Variants in GLI2 observed in about 807,000 individuals in gnomAD.
GLI2 encodes the protein transcription activator GLI2.
In GLI2, 22 loss-of-function variants were observed where a neutral mutation model predicts 78.9. The observed-to-expected ratio is 0.28, with a 90% CI of 0.20 to 0.40. The LOEUF is 0.40. Among genes scored for constraint, GLI2 ranks in the 10% least tolerant of loss-of-function variants. The pLI is 1.00. For missense variants in GLI2, 2,097 were observed against 2,213.2 expected, an observed-to-expected ratio of 0.95 and a Z score of 1.05; for synonymous variants, 974 against 963.7, an observed-to-expected ratio of 1.01 and a Z score of -0.20.
chr2:120,898,672 G>T (rs991755399), intron 2 of GLI2, among the ~76,000 whole-genome samples: 2 of 152,104 alleles, frequency 1.3e-5, no homozygotes, highest in African/African-American at 4.8e-5. Flanking sequence ...GGATTCTGTT[G>T]GTTTCTAGTC....
chr2:120,907,253 A>C (rs1332550106), intron 2 of GLI2, among the ~76,000 whole-genome samples: 7 of 151,820 alleles, frequency 4.6e-5, no homozygotes, highest in African/African-American at 1.7e-4. Context: ...GCTTGGCTTC[A>C]CCTGTTGACG....
At chr2:120,775,477 C>T (rs1017730586) in intron 1 of GLI2, among the ~76,000 whole-genome samples, 2 of 152,158 alleles carry the variant, frequency 1.3e-5, no homozygotes, top group African/African-American at 2.4e-5. Context: ...GCTAATGCTC[C>T]GGAGGTGCTG....
intron 2 of GLI2, among the ~76,000 whole-genome samples, chr2:120,864,866 A>G (rs1688054613): frequency 1.3e-5 from 2 of 152,102 alleles, no homozygotes; most frequent in African/African-American, 4.8e-5. Context: ...GCTCAGAATC[A>G]TCACTGCCTA....
At chr2:120,945,477 C>T (rs777771722) in intron 3 of GLI2, among the ~76,000 whole-genome samples, 2 of 152,164 alleles carry the variant, frequency 1.3e-5, no homozygotes, top group Non-Finnish European at 2.9e-5. Context: ...TGGACAGGCC[C>T]GAGCACTTAT....
intron 2 of GLI2, 24 bp downstream of exon 2, chr2:120,797,492 G>A (rs747116594): frequency 8.1e-6 from 13 of 1,609,302 alleles, no homozygotes; most frequent in Non-Finnish European, 1.7e-6. Flanking sequence ...CGCACACTTG[G>A]AGGGCAGCAG....
chr2:120,881,442 G>A (rs1677116188), intron 2 of GLI2, among the ~76,000 whole-genome samples: 2 of 149,966 alleles, frequency 1.3e-5, no homozygotes, highest in Non-Finnish European at 3.0e-5. Context: ...GGGCAGGAGT[G>A]GGAGGACTGT....
rs59277032 is a variant in GLI2, at chr2:120,992,007, T to TAC, written c.*1375_*1376dup. The stretch of plus-strand genomic sequence containing the variant: ...GTGAATTGGTGCATCTTCCCCACCA[T>TAC]ACACACACACACACACACACACACA... On this transcript the variant is annotated 3_prime_UTR_variant, in exon 14 of 14. Transcript: ENST00000361492. 23,301 of 129,834 alleles carry TAC rather than the reference T, an allele frequency of 0.18. 1,964 individuals are homozygous for TAC. Among genetic ancestry groups the TAC allele is most frequent in the East Asian group, 0.21 (859 of 4,190 alleles). 8.0% of individuals were successfully genotyped at this position (129,834 alleles called of 1,614,324 possible).
At chr2:120,882,838 G>C (rs982408922) in intron 2 of GLI2, among the ~76,000 whole-genome samples, 1 of 152,000 alleles carries the variant, frequency 6.6e-6, no homozygotes, top group Non-Finnish European at 1.5e-5. Flanking sequence ...TTATGAAGGT[G>C]TAAATTACAT....
At chr2:120,933,525 C>T (rs1211371053) in intron 3 of GLI2, among the ~76,000 whole-genome samples, 1 of 152,160 alleles carries the variant, frequency 6.6e-6, no homozygotes, top group African/African-American at 2.4e-5. Flanking sequence ...AATAGGGCCA[C>T]ACACCCCCAG....
At chr2:120,925,504 C>T (rs1410310130) in intron 2 of GLI2, among the ~76,000 whole-genome samples, 1 of 152,222 alleles carries the variant, frequency 6.6e-6, no homozygotes, top group African/African-American at 2.4e-5. Context: ...GATTCTGGCA[C>T]AGGCTGTAAC....
rs140095122 is a variant in GLI2 at position 120,946,252 on chromosome 2, T to G, written c.255-4991T>G. Among the ~76,000 whole-genome samples, 435 of 152,150 alleles carry G rather than the reference T, an allele frequency of 2.9e-3. 1 individual carries two copies. The highest frequency in any genetic ancestry group is 0.01 in the African/African-American group (416 of 41,522). ...CTACAGGTCCCTAGGCACAGCCCTG[T>G]TGGGAGCGTGAAGAAATGTAAGAAG... On this transcript the variant is annotated intron_variant, in intron 3 of 13. Transcript: ENST00000361492.
At chr2:120,927,496 G>A (rs1329770994) in intron 3 of GLI2, 30 bp downstream of exon 3, 2 of 1,471,318 alleles carry the variant, frequency 1.4e-6, no homozygotes, top group Non-Finnish European at 1.9e-6. Context: ...TGCTGCTCCT[G>A]GCGTGCAGTC....
intron 2 of GLI2, among the ~76,000 whole-genome samples, chr2:120,898,896 C>G (rs1432983371): frequency 6.6e-6 from 1 of 152,128 alleles, no homozygotes; most frequent in African/African-American, 2.4e-5. Context: ...TACATGGCTG[C>G]TGGTGCTAAG....
intron 2 of GLI2, among the ~76,000 whole-genome samples, chr2:120,828,746 C>T (rs1200174780): frequency 6.7e-6 from 1 of 150,116 alleles, no homozygotes; most frequent in Non-Finnish European, 1.5e-5. Flanking sequence ...CTCCTCCAAA[C>T]AAAACGGTAA....
chr2:120,910,265 C>G (rs1328193349), intron 2 of GLI2, among the ~76,000 whole-genome samples: 1 of 152,182 alleles, frequency 6.6e-6, no homozygotes, highest in African/African-American at 2.4e-5. Context: ...GACAGCAGGG[C>G]CCTCAGCCAC....
chr2:120,747,214 G>A (rs1682720245), intron 1 of GLI2, among the ~76,000 whole-genome samples: 1 of 152,256 alleles, frequency 6.6e-6, no homozygotes, highest in Non-Finnish European at 1.5e-5. Context: ...TTGGGGAAGA[G>A]ATGGGAGGTG....
intron 2 of GLI2, among the ~76,000 whole-genome samples, chr2:120,898,993 G>A (rs1678113524): frequency 6.6e-6 from 1 of 152,178 alleles, no homozygotes; most frequent in South Asian, 2.1e-4. Context: ...AGAAACGAAA[G>A]GGTCTGCGGT....
In GLI2 at chr2:120,886,989, G is replaced by A. The variant is rs575187400; in HGVS notation, c.149-40372G>A. 3.3e-4 allele frequency among the ~76,000 whole-genome samples: 51 copies of A among 152,340 alleles called. No individual in the cohort carries two copies. In the South Asian group the frequency reaches 3.9e-3, roughly 12 times the overall value. On this transcript the variant is annotated intron_variant, in intron 2 of 13. Coordinates refer to ENST00000361492, the MANE Select transcript of GLI2 (RefSeq NM_001374353.1). ...CAGAAGAGAGATCTGGGCCCGAGAC[G>A]CAGATGCAGAAACACATGGTGAAAA... is the stretch of plus-strand genomic sequence containing the variant.
intron 8 of GLI2, chr2:120,972,805 A>G (rs1682254290): frequency 3.3e-5 from 15 of 453,856 alleles, no homozygotes; most frequent in South Asian, 2.3e-4. Context: ...AGCCCAGTGC[A>G]GGCCTACCAC....
Sources: allele counts gnomAD v4.1 joint callset (sites outside exome capture counted in the v4.1 genomes callset), GRCh38; gene constraint gnomAD v4.1.1; transcripts MANE v1.5; gene names NCBI Gene and HGNC (gene_info 2026-07-23, HGNC 2026-07-21).